DENND5B: variants seen among roughly 807,000 people sequenced by gnomAD.
DENND5B encodes DENN domain-containing protein 5B.
A neutral mutation model predicts 140.6 loss-of-function variants in DENND5B; 34 were observed. That is an observed-to-expected ratio of 0.24 (90% CI 0.18 to 0.32). DENND5B has a LOEUF of 0.32. Ranked by LOEUF, DENND5B falls within the 10% of genes least tolerant of loss-of-function variation. DENND5B has a pLI of 1.00. For synonymous variants in DENND5B, 551 were observed against 562.1 expected (o/e 0.98, Z 0.28); for missense variants, 1,142 against 1,560.2 (o/e 0.73, Z 4.52).
chr12:31,409,643 T>C (rs1256967495), intron 13 of DENND5B, among the ~76,000 whole-genome samples: 1 of 151,926 alleles, frequency 6.6e-6, no homozygotes, highest in Admixed American at 6.6e-5. Context: ...CACGCCAGGC[T>C]AATTTTTGTA....
At chr12:31,558,044 G>A (rs550893366) in intron 1 of DENND5B, among the ~76,000 whole-genome samples, 49 of 152,026 alleles carry the variant, frequency 3.2e-4, no homozygotes, top group Non-Finnish European at 6.0e-4. Flanking sequence ...AAGAGATCCC[G>A]TCTCTTAGAA....
At chr12:31,422,246 C>T (rs1395607360) in intron 11 of DENND5B, among the ~76,000 whole-genome samples, 5 of 131,690 alleles carry the variant, frequency 3.8e-5, no homozygotes, top group South Asian at 2.8e-4. Flanking sequence ...AGTGAAACCC[C>T]GTCTCTACTA....
intron 1 of DENND5B, among the ~76,000 whole-genome samples, chr12:31,553,287 A>T (rs533555359): frequency 9.2e-5 from 14 of 152,272 alleles, no homozygotes; most frequent in African/African-American, 3.1e-4. Context: ...GGTTTCAAGG[A>T]ACATCTTTAT....
At chr12:31,554,909 C>T (rs1949218016) in intron 1 of DENND5B, among the ~76,000 whole-genome samples, 1 of 152,254 alleles carries the variant, frequency 6.6e-6, no homozygotes. Context: ...TCAGCTCCAT[C>T]AGGTCCTTTA....
At chr12:31,417,764 C>T (rs560607340) in intron 11 of DENND5B, among the ~76,000 whole-genome samples, 11 of 152,222 alleles carry the variant, frequency 7.2e-5, no homozygotes, top group African/African-American at 2.6e-4. Context: ...GGAGTTTAGG[C>T]CTTTCATTTC....
intron 1 of DENND5B, among the ~76,000 whole-genome samples, chr12:31,497,845 CA>C (rs1477587477): frequency 3.2e-4 from 2 of 6,212 alleles, no homozygotes; most frequent in Non-Finnish European, 5.0e-4. Flanking sequence ...GGGGAGGGGG[CA>C]GGGGGGGCAA....
At chr12:31,522,292 T>C (rs989752240) in intron 1 of DENND5B, among the ~76,000 whole-genome samples, 1 of 152,158 alleles carries the variant, frequency 6.6e-6, no homozygotes, top group Non-Finnish European at 1.5e-5. Context: ...GGAAACTTCT[T>C]AGGAAAGCAT....
chr12:31,527,702 C>T (rs1948134974), intron 1 of DENND5B, among the ~76,000 whole-genome samples: 1 of 152,018 alleles, frequency 6.6e-6, no homozygotes, highest in Admixed American at 6.6e-5. Flanking sequence ...TGCTTGAACC[C>T]GGGAGGTGGA....
intron 13 of DENND5B, among the ~76,000 whole-genome samples, chr12:31,410,275 A>C (rs1942381806): frequency 6.6e-6 from 1 of 152,224 alleles, no homozygotes; most frequent in African/African-American, 2.4e-5. Flanking sequence ...CTAAAGAAAC[A>C]GATGAAATGG....
chr12:31,571,517 C>T (rs553281344), intron 1 of DENND5B, among the ~76,000 whole-genome samples: 9 of 152,030 alleles, frequency 5.9e-5, no homozygotes, highest in East Asian at 5.8e-4. Flanking sequence ...GCAAGAACTA[C>T]GGATTTAATT....
chr12:31,557,322 T>C (rs1228114016), intron 1 of DENND5B, among the ~76,000 whole-genome samples: 1 of 152,210 alleles, frequency 6.6e-6, no homozygotes, highest in Non-Finnish European at 1.5e-5. Context: ...CTGTATTGCT[T>C]AAATTTTCTA....
intron 14 of DENND5B, among the ~76,000 whole-genome samples, chr12:31,406,136 A>G (rs1942118699): frequency 1.3e-5 from 2 of 151,390 alleles, no homozygotes; most frequent in African/African-American, 2.4e-5. Context: ...GTGAGCCACC[A>G]TGCCCAGCCA....
At chr12:31,418,045 T>C (rs927072000) in intron 11 of DENND5B, among the ~76,000 whole-genome samples, 1 of 152,098 alleles carries the variant, frequency 6.6e-6, no homozygotes, top group African/African-American at 2.4e-5. Flanking sequence ...ACTGATGGGG[T>C]TGCCAGAAGG....
chr12:31,431,290 G>A (rs920312203), intron 8 of DENND5B, among the ~76,000 whole-genome samples: 1 of 152,202 alleles, frequency 6.6e-6, no homozygotes, highest in African/African-American at 2.4e-5. Flanking sequence ...TGTTCAACTT[G>A]TGAAGAGAAG....
At chr12:31,540,811 T>TA (rs1948661186) in intron 1 of DENND5B, 1 of 179,782 alleles carries the variant, frequency 5.6e-6, no homozygotes. Flanking sequence ...ATACTACAGT[T>TA]AGAGTAACCA....
At chr12:31,449,731 GTTTTT>G (rs771712867) in intron 5 of DENND5B, among the ~76,000 whole-genome samples, 3 of 89,970 alleles carry the variant, frequency 3.3e-5, no homozygotes, top group Non-Finnish European at 4.3e-5. Context: ...ACACAGATTA[GTTTTT>G]TTTTTTTTTT....
chr12:31,514,717 T>C (rs536403824), intron 1 of DENND5B, among the ~76,000 whole-genome samples: 1 of 151,928 alleles, frequency 6.6e-6, no homozygotes, highest in South Asian at 2.1e-4. Flanking sequence ...CTCGGGAGGC[T>C]AGGGCAGGAG....
At chr12:31,487,735 A>G (rs768926301) in intron 2 of DENND5B, among the ~76,000 whole-genome samples, 2 of 152,120 alleles carry the variant, frequency 1.3e-5, no homozygotes, top group African/African-American at 2.4e-5. Context: ...AAAAAACCCT[A>G]AAAACCCAAA....
intron 1 of DENND5B, among the ~76,000 whole-genome samples, chr12:31,587,526 C>A (rs901811166): frequency 3.3e-4 from 25 of 74,948 alleles, no homozygotes; most frequent in African/African-American, 1.2e-3. Context: ...CCACAAATAC[C>A]TTTTTTTTTT....
Sources: allele counts gnomAD v4.1 joint callset (sites outside exome capture counted in the v4.1 genomes callset), GRCh38; gene constraint gnomAD v4.1.1; transcripts MANE v1.5; gene names NCBI Gene and HGNC (gene_info 2026-07-23, HGNC 2026-07-21).